Variants in PAAF1 observed in about 807,000 individuals in gnomAD.
The protein encoded by PAAF1 is proteasomal ATPase associated factor 1.
Under a neutral mutation model 52.8 loss-of-function variants are expected in PAAF1, and 46 were observed. That is an observed-to-expected ratio of 0.87 (90% CI 0.69 to 1.11). The LOEUF (loss-of-function observed/expected upper bound fraction) is 1.11. PAAF1 is among the 50% of genes most tolerant of loss of function. The pLI is 0.00. For synonymous variants in PAAF1, 178 were observed against 172.8 expected (o/e 1.03, Z -0.24); for missense variants, 424 against 477.4 (o/e 0.89, Z 1.04).
rs1949027124 is a variant in PAAF1 at position 73,885,179 on chromosome 11, C to T, written c.89-2175C>T. 1.3e-5 allele frequency among the ~76,000 whole-genome samples: 2 copies of T among 151,654 alleles called. 1 individual carries two copies. Among genetic ancestry groups the T allele is most frequent in the South Asian group, 4.2e-4 (2 of 4,800 alleles). ...TTTGAGATGGAGTCTCACTCTGTCA[C>T]CCAGGCTGGAGTGCAATGGCGTGGT... On this transcript the variant is annotated intron_variant, in intron 2 of 11. Transcript: ENST00000310571.
intron 8 of PAAF1, among the ~76,000 whole-genome samples, chr11:73,915,967 T>C (rs1468188322): frequency 2.6e-5 from 4 of 152,334 alleles, no homozygotes; most frequent in African/African-American, 9.6e-5. Context: ...ATCAGGTTTT[T>C]TTGTTTGTTT....
intron 10 of PAAF1, among the ~76,000 whole-genome samples, chr11:73,922,583 C>T (rs927336209): frequency 1.6e-4 from 24 of 151,942 alleles, no homozygotes; most frequent in Non-Finnish European, 2.5e-4. Flanking sequence ...TTTCGGAGGC[C>T]GAGGCGGGCG....
chr11:73,881,814 C>A (rs530512237), intron 2 of PAAF1, among the ~76,000 whole-genome samples: 1 of 152,246 alleles, frequency 6.6e-6, no homozygotes, highest in South Asian at 2.1e-4. Flanking sequence ...TCAAGCAATT[C>A]TCCAGCCTCA....
chr11:73,916,716 T>C, intron 9 of PAAF1, 56 bp downstream of exon 9: 1 of 1,241,650 alleles, frequency 8.1e-7, no homozygotes, highest in African/African-American at 1.5e-5. Context: ...AAATTTTTAT[T>C]GGCTTTAACA....
intron 8 of PAAF1, among the ~76,000 whole-genome samples, chr11:73,915,343 T>C (rs565951977): frequency 1.3e-5 from 2 of 152,336 alleles, no homozygotes; most frequent in Admixed American, 6.5e-5. Flanking sequence ...TAGTGGCTCA[T>C]GCCTGTAATC....
At chr11:73,884,138 T>G (rs985919813) in intron 2 of PAAF1, among the ~76,000 whole-genome samples, 2 of 152,108 alleles carry the variant, frequency 1.3e-5, no homozygotes, top group African/African-American at 4.8e-5. Context: ...GGTAAGTGGT[T>G]GGATTGATCC....
At chr11:73,884,367 A>G (rs564408338) in intron 2 of PAAF1, among the ~76,000 whole-genome samples, 183 of 152,274 alleles carry the variant, frequency 1.2e-3, no homozygotes, top group African/African-American at 4.3e-3. Flanking sequence ...ATAGCTGGGC[A>G]TGGTGGCATG....
chr11:73,911,573 C>A (rs1949930086), intron 7 of PAAF1, among the ~76,000 whole-genome samples: 1 of 151,654 alleles, frequency 6.6e-6, no homozygotes, highest in Non-Finnish European at 1.5e-5. Context: ...ATGGTTTGTG[C>A]CCAAGTACTT....
chr11:73,926,714 A>G (rs910765598), intron 11 of PAAF1, among the ~76,000 whole-genome samples: 1 of 152,126 alleles, frequency 6.6e-6, no homozygotes, highest in African/African-American at 2.4e-5. Context: ...GTCTCAAAAA[A>G]CAAACAAACA....
intron 11 of PAAF1, among the ~76,000 whole-genome samples, chr11:73,926,454 T>G (rs1950361006): frequency 6.6e-6 from 1 of 151,946 alleles, no homozygotes; most frequent in African/African-American, 2.4e-5. Context: ...TGGTGGCTCA[T>G]GCCCAGCACT....
At chr11:73,899,329 C>T (rs901528674) in intron 5 of PAAF1, 85 bp downstream of exon 5, 3 of 947,496 alleles carry the variant, frequency 3.2e-6, no homozygotes, top group African/African-American at 3.3e-5. Context: ...GGAAGAATGG[C>T]CCATTCTAAA....
At position 73,928,169 on chromosome 11, in the gene PAAF1, G is replaced by A. The variant is rs1950408462; in HGVS notation, c.*807G>A. On this transcript the variant is annotated 3_prime_UTR_variant, in exon 12 of 12. Coordinates refer to ENST00000310571, the MANE Select transcript of PAAF1 (RefSeq NM_025155.3). ...AGAAATTCTACGGGTGCAGCCAGCA[G>A]TCTGTATTTTAACAAGCATTCCAGG... 6.6e-6 allele frequency: 1 copy of A among 152,252 alleles called. No individual in the cohort carries two copies. Among genetic ancestry groups the A allele is most frequent in the Non-Finnish European group, 1.5e-5 (1 of 68,058 alleles). The allele number at this position is 152,252 out of a possible 1,614,324, so 9.4% of individuals were successfully genotyped here.
intron 8 of PAAF1, 146 bp downstream of exon 8, chr11:73,914,650 T>C: frequency 1.7e-6 from 1 of 578,660 alleles, no homozygotes; most frequent in Non-Finnish European, 3.1e-6. Flanking sequence ...AGTGTAATGA[T>C]TAAGAGTTGT....
intron 7 of PAAF1, among the ~76,000 whole-genome samples, chr11:73,912,888 T>C (rs1307138469): frequency 6.6e-6 from 1 of 152,208 alleles, no homozygotes; most frequent in Non-Finnish European, 1.5e-5. Flanking sequence ...GCCTTCTTTT[T>C]TTTAAATTGA....
intron 3 of PAAF1, among the ~76,000 whole-genome samples, chr11:73,888,023 C>T (rs1382032373): frequency 2.0e-5 from 3 of 152,202 alleles, no homozygotes; most frequent in Non-Finnish European, 2.9e-5. Flanking sequence ...GCTGAGATTA[C>T]AGGCGTGAGC....
At position 73,928,430 on chromosome 11, in the gene PAAF1, G is replaced by C. The variant is rs893337676; in HGVS notation, c.*1068G>C. ...CTGAAGGGTTTTAAGCAAGAGAATG[G>C]CATGGTCACCTCCTTTTTTCTCTAA... On this transcript the variant is annotated 3_prime_UTR_variant, in exon 12 of 12. Transcript: ENST00000310571. 6.6e-6 allele frequency: 1 copy of C among 152,170 alleles called. No individual in the cohort carries two copies. Among genetic ancestry groups the C allele is most frequent in the East Asian group, 1.9e-4 (1 of 5,188 alleles). The allele number at this position is 152,170 out of a possible 1,614,324, so 9.4% of individuals were successfully genotyped here. A position where few individuals can be genotyped will look rare whatever the true frequency, so the allele number is the denominator to read the frequency against.
chr11:73,909,977 G>C (rs1279713049), intron 7 of PAAF1, among the ~76,000 whole-genome samples: 1 of 152,228 alleles, frequency 6.6e-6, no homozygotes, highest in Admixed American at 6.5e-5. Context: ...GAAAGTTTAT[G>C]AATTTGTGTT....
At chr11:73,889,201 A>G (rs1000936574) in intron 3 of PAAF1, 18 of 1,499,050 alleles carry the variant, frequency 1.2e-5, no homozygotes, top group Non-Finnish European at 1.5e-5. Context: ...CACTTCAAAC[A>G]TGATTGCTAA....
At chr11:73,886,630 G>A (rs1460740167) in intron 2 of PAAF1, among the ~76,000 whole-genome samples, 3 of 124,390 alleles carry the variant, frequency 2.4e-5, no homozygotes, top group South Asian at 5.0e-4. Flanking sequence ...CTGAGATCAC[G>A]CCACTGCACT....
Sources: allele counts gnomAD v4.1 joint callset (sites outside exome capture counted in the v4.1 genomes callset), GRCh38; gene constraint gnomAD v4.1.1; transcripts MANE v1.5; gene names NCBI Gene and HGNC (gene_info 2026-07-23, HGNC 2026-07-21).